Variants in RUFY2 observed in about 807,000 individuals in gnomAD.
The protein encoded by RUFY2 is RUN and FYVE domain-containing protein 2.
In RUFY2, 49 loss-of-function variants were observed where a neutral mutation model predicts 94.4. The ratio of observed to expected loss-of-function variants is 0.52; its 90% CI spans 0.41 to 0.66. RUFY2 has a LOEUF of 0.66. RUFY2 is among the 30% of genes least tolerant of loss of function. The pLI is 0.00. For synonymous variants in RUFY2, 255 were observed against 235.7 expected, an observed-to-expected ratio of 1.08 and a Z score of -0.75; for missense variants, 541 against 692.8, an observed-to-expected ratio of 0.78 and a Z score of 2.46.
chr10:68,354,816 G>A (rs1444133748), intron 16 of RUFY2, among the ~76,000 whole-genome samples: 1 of 151,326 alleles, frequency 6.6e-6, no homozygotes, highest in African/African-American at 2.4e-5. Context: ...TACTTTGTAG[G>A]GAAGTAAACA....
At chr10:68,357,550 A>AT (rs967065488) in intron 15 of RUFY2, among the ~76,000 whole-genome samples, 3 of 151,452 alleles carry the variant, frequency 2.0e-5, no homozygotes, top group Non-Finnish European at 2.9e-5. Flanking sequence ...TATAATTTAA[A>AT]TTTTTTTTTC....
At chr10:68,363,536 T>C (rs2047604713) in intron 15 of RUFY2, 54 bp downstream of exon 15, 5 of 1,188,818 alleles carry the variant, frequency 4.2e-6, no homozygotes, top group Non-Finnish European at 4.8e-6. Context: ...GGCACACTTA[T>C]ACCTTTTATA....
rs1343403387 is a variant in RUFY2 at position 68,346,101 on chromosome 10, A to G, written c.1600-17T>C. 6.3e-7 allele frequency: 1 copy of G among 1,584,586 alleles called. No homozygotes were observed. Among genetic ancestry groups the G allele is most frequent in the Non-Finnish European group, 8.6e-7 (1 of 1,161,498 alleles). ...AACCAGTCCCTAGTAGGAAGAAAAT[A>G]TTAATGCTCAAATTGGTAACACTAA... On this transcript the variant is annotated splice_polypyrimidine_tract_variant and intron_variant, in intron 16 of 17. Transcript: ENST00000602465.
At chr10:68,386,612 T>C (rs1338397415) in intron 7 of RUFY2, among the ~76,000 whole-genome samples, 2 of 152,188 alleles carry the variant, frequency 1.3e-5, no homozygotes, top group East Asian at 3.8e-4. Flanking sequence ...CCTCCCAAAG[T>C]GCTGGATTAC....
rs1235994251 is a variant in RUFY2 at position 68,370,665 on chromosome 10, C to A, written c.1325+6188G>T. Among the ~76,000 whole-genome samples, 3 of 151,540 alleles carry A rather than the reference C, an allele frequency of 2.0e-5. No individual in the cohort carries two copies. The East Asian group carries it at 5.8e-4, about 29-fold the overall frequency. On this transcript the variant is annotated intron_variant, in intron 13 of 17. Transcript: ENST00000602465. ...ACCCTATCTCAAAACAAAACACAAA[C>A]AAAACAAACAACAAAAGAAAACAGA...
At chr10:68,389,481 T>G (rs750855748) in intron 7 of RUFY2, among the ~76,000 whole-genome samples, 6 of 151,490 alleles carry the variant, frequency 4.0e-5, no homozygotes, top group Non-Finnish European at 7.4e-5. Context: ...AATCCCCTAC[T>G]CAGGAGCCTG....
chr10:68,406,725 GC>G (rs528606314), intron 1 of RUFY2: 3 of 1,580,700 alleles, frequency 1.9e-6, no homozygotes, highest in East Asian at 2.3e-5. Flanking sequence ...AGGCCTGGGG[GC>G]CCCCCAGGAC....
chr10:68,397,502 G>A (rs1467577489), intron 3 of RUFY2, among the ~76,000 whole-genome samples: 1 of 151,674 alleles, frequency 6.6e-6, no homozygotes, highest in African/African-American at 2.4e-5. Context: ...GGTCAAGGTG[G>A]GAGGATCACT....
At chr10:68,343,397 C>T (rs973970700), downstream of RUFY2, 4 of 152,564 alleles carry the variant, frequency 2.6e-5, no homozygotes, top group Admixed American at 1.3e-4. Context: ...TTAGGGCATA[C>T]ACCACCTGTC....
chr10:68,370,891 G>A lies in RUFY2; in HGVS notation c.1325+5962C>T, dbSNP rs368599651. On this transcript the variant is annotated intron_variant, in intron 13 of 17. Transcript: ENST00000602465. ...CTCACGCCTGTAATCCCAGCACTTCGAGAGGCCAAGGTGGGTGGGTCACAA... is the reference window on the plus strand; with the variant it reads ...CTCACGCCTGTAATCCCAGCACTTCAAGAGGCCAAGGTGGGTGGGTCACAA... Among the ~76,000 whole-genome samples, 13 of 152,010 alleles carry A rather than the reference G, an allele frequency of 8.6e-5. No homozygotes were observed. The East Asian group carries it at 1.7e-3, about 20-fold the overall frequency.
chr10:68,341,957 T>C, downstream of RUFY2: 1 of 1,612,258 alleles, frequency 6.2e-7, no homozygotes, highest in Non-Finnish European at 8.5e-7. Context: ...GCTGAGTGAT[T>C]CTTAATATCT....
chr10:68,348,417 TGAG>T (rs1388852858), intron 16 of RUFY2, among the ~76,000 whole-genome samples: 4 of 151,158 alleles, frequency 2.6e-5, no homozygotes, highest in Non-Finnish European at 5.9e-5. Flanking sequence ...CTTGGGAGGC[TGAG>T]GTGGGAGGAT....
intron 15 of RUFY2, among the ~76,000 whole-genome samples, chr10:68,357,415 G>T (rs773393434): frequency 6.6e-6 from 1 of 151,888 alleles, no homozygotes; most frequent in Non-Finnish European, 1.5e-5. Flanking sequence ...TTTTAGTAGA[G>T]ACGGGGTTTT....
chr10:68,375,025 T>C (rs2132658593), intron 13 of RUFY2, among the ~76,000 whole-genome samples: 1 of 152,228 alleles, frequency 6.6e-6, no homozygotes, highest in South Asian at 2.1e-4. Context: ...TGCAACTTGC[T>C]TTTTTTCAGC....
At chr10:68,355,310 G>A in intron 16 of RUFY2, 43 bp downstream of exon 16, 1 of 1,421,214 alleles carries the variant, frequency 7.0e-7, no homozygotes, top group East Asian at 2.3e-5. Context: ...TTCCATTGGA[G>A]ACTTTCACAT....
At chr10:68,399,690 T>G (rs1360585448) in intron 3 of RUFY2, among the ~76,000 whole-genome samples, 1 of 152,168 alleles carries the variant, frequency 6.6e-6, no homozygotes, top group Non-Finnish European at 1.5e-5. Context: ...ACGATTAACC[T>G]TACAGAAAAT....
intron 12 of RUFY2, chr10:68,377,631 A>G: frequency 1.0e-6 from 1 of 985,396 alleles, no homozygotes; most frequent in Non-Finnish European, 1.2e-6. Flanking sequence ...ATTAAAAATT[A>G]GCTAAAACAT....
In RUFY2 at chr10:68,396,857, C is replaced by T. The variant is rs775819444; in HGVS notation, c.321G>A (p.Ala107=). The change falls in exon 4 of 18, where the codon GCG becomes GCA. Residue 107 remains alanine (A), a synonymous_variant. Transcript: ENST00000602465. The part of the protein sequence containing the change: ...GLKTPLGRAR[A]WLRLALMQKK... The stretch of plus-strand genomic sequence containing the variant: ...TTTGCATGAGGGCTAATCGAAGCCA[C>T]GCTCTTGCTCGACCCAGAGGGGTCC... The T allele has an allele frequency of 3.1e-6, 5 of 1,613,798 alleles. No individual in the cohort carries two copies. Among genetic ancestry groups the T allele is most frequent in the East Asian group, 2.2e-5 (1 of 44,862 alleles).
At chr10:68,382,559 A>T (rs548353557) in intron 10 of RUFY2, among the ~76,000 whole-genome samples, 5 of 151,308 alleles carry the variant, frequency 3.3e-5, no homozygotes, top group African/African-American at 1.2e-4. Context: ...CTAAAAATAC[A>T]AAAAATTAGC....
Sources: gnomAD v4.1 joint callset for allele counts (sites outside exome capture counted in the v4.1 genomes callset) on GRCh38, gnomAD v4.1.1 for gene constraint, MANE v1.5 for transcripts, NCBI Gene and HGNC (gene_info 2026-07-23, HGNC 2026-07-21) for gene names.